Variants in DCTN4 observed in about 807,000 individuals in gnomAD.
DCTN4 encodes dynactin subunit 4.
A neutral mutation model predicts 62.7 loss-of-function variants in DCTN4; 23 were observed. The observed-to-expected ratio is 0.37, with a 90% CI of 0.26 to 0.52. The LOEUF (loss-of-function observed/expected upper bound fraction) is 0.52. DCTN4 is among the 20% of genes least tolerant of loss of function. DCTN4 has a pLI of 0.92. For synonymous variants in DCTN4, 199 were observed against 202.1 expected (o/e 0.98, Z 0.13); for missense variants, 514 against 580.4 (o/e 0.89, Z 1.18).
chr5:150,730,868 A>G lies in DCTN4; in HGVS notation c.725-128T>C, dbSNP rs1368238632. 5.6e-6 allele frequency: 5 copies of G among 888,948 alleles called. No individual in the cohort carries two copies. The East Asian group carries it at 7.5e-5, about 13-fold the overall frequency. The allele number at this position is 888,948 out of a possible 1,614,324, so 55.1% of individuals were successfully genotyped here. On this transcript the variant is annotated intron_variant, in intron 7 of 12. Transcript: ENST00000447998. ...GTTGTTCATAAAAATGAAAATATAG[A>G]AAGTTGACATTTTAGATTTCAAACA...
rs1561699107 is a variant in DCTN4, at chr5:150,733,363, C to A, written c.537+5G>T. The A allele has an allele frequency of 6.2e-7, 1 of 1,607,058 alleles. No individual in the cohort carries two copies. The highest frequency in any genetic ancestry group is 1.3e-5 in the African/African-American group (1 of 74,748). On this transcript the variant is annotated splice_donor_5th_base_variant and intron_variant, in intron 5 of 12. Transcript: ENST00000447998. Reference sequence around the variant, plus strand: ...TTGCAAATCATTTTAGTACCAAATTCTCACCGAAAAAGCCAGAGGCATATA... The same window carrying A: ...TTGCAAATCATTTTAGTACCAAATTATCACCGAAAAAGCCAGAGGCATATA...
At chr5:150,735,735 A>G (rs1760554866) in intron 4 of DCTN4, among the ~76,000 whole-genome samples, 1 of 152,198 alleles carries the variant, frequency 6.6e-6, no homozygotes, top group African/African-American at 2.4e-5. Context: ...TTCTGGTAAT[A>G]TGACAAAGCA....
rs1202834314 is a variant in DCTN4, at chr5:150,755,559, T to C, written c.206+858A>G. The C allele has an allele frequency of 1.1e-5, 5 of 455,982 alleles. No individual in the cohort carries two copies. In the Admixed American group the frequency reaches 1.2e-4, roughly 11 times the overall value. 28.2% of individuals were successfully genotyped at this position (455,982 alleles called of 1,614,324 possible). On this transcript the variant is annotated intron_variant, in intron 2 of 12. Coordinates refer to ENST00000447998, the MANE Select transcript of DCTN4 (RefSeq NM_016221.4). ...TGTGGTTCTCCTCCGCAAAATACAT[T>C]CCCCTAGTCTGATGAGAAAAAAACA...
At chr5:150,745,437 A>G (rs9716120) in intron 3 of DCTN4, among the ~76,000 whole-genome samples, 22,742 of 151,840 alleles carry the variant, frequency 0.15, 3,087 homozygotes, top group African/African-American at 0.36. Flanking sequence ...TGCACCAACC[A>G]GACCTTATAG....
intron 2 of DCTN4, among the ~76,000 whole-genome samples, chr5:150,754,470 G>C (rs146509440): frequency 2.2e-4 from 34 of 152,310 alleles, no homozygotes; most frequent in Admixed American, 2.2e-3. Flanking sequence ...TCTCAGGGCA[G>C]GAAAGACAAA....
intron 6 of DCTN4, 83 bp downstream of exon 6, chr5:150,731,325 CTGTGTGTG>C: frequency 3.7e-6 from 4 of 1,092,262 alleles, no homozygotes; most frequent in Non-Finnish European, 5.4e-6. Context: ...CCATTGACAA[CTGTGTGTG>C]TGTGTGTGTT....
At chr5:150,743,634 G>A (rs1222473346) in intron 3 of DCTN4, among the ~76,000 whole-genome samples, 1 of 152,162 alleles carries the variant, frequency 6.6e-6, no homozygotes, top group Non-Finnish European at 1.5e-5. Flanking sequence ...AGCAGCATTC[G>A]CGATTCACGA....
At chr5:150,739,376 A>T (rs191327992) in intron 4 of DCTN4, among the ~76,000 whole-genome samples, 1 of 152,190 alleles carries the variant, frequency 6.6e-6, no homozygotes, top group African/African-American at 2.4e-5. Flanking sequence ...CTAGCCAAGG[A>T]GGTGAAAGAC....
intron 4 of DCTN4, among the ~76,000 whole-genome samples, chr5:150,737,077 T>C (rs1335892160): frequency 3.3e-5 from 5 of 152,098 alleles, no homozygotes; most frequent in Admixed American, 3.3e-4. Context: ...CAATCCTAAA[T>C]ATATATGCAC....
chr5:150,740,256 G>A (rs141239549), intron 4 of DCTN4, among the ~76,000 whole-genome samples: 17 of 152,048 alleles, frequency 1.1e-4, no homozygotes, highest in Admixed American at 6.5e-4. Flanking sequence ...TAAAAAGTAG[G>A]CAGAGGACAT....
chr5:150,731,596 C>CA (rs201751317), intron 5 of DCTN4, 107 bp from the exon 6 acceptor site: 421 of 822,012 alleles, frequency 5.1e-4, no homozygotes, highest in African/African-American at 8.1e-4. Context: ...GGGAAATAAG[C>CA]AAAAAAAAAG....
chr5:150,727,819 T>C (rs1760211257), intron 8 of DCTN4, among the ~76,000 whole-genome samples: 1 of 149,992 alleles, frequency 6.7e-6, no homozygotes, highest in Non-Finnish European at 1.5e-5. Context: ...ATAAGCTTCC[T>C]GATGATTTTT....
intron 8 of DCTN4, among the ~76,000 whole-genome samples, chr5:150,723,281 T>C (rs1277265168): frequency 1.3e-5 from 2 of 152,224 alleles, no homozygotes; most frequent in Admixed American, 1.3e-4. Context: ...CTGGTTTAAC[T>C]GGATTTAAAT....
At chr5:150,748,240 C>T (rs1171273796) in intron 3 of DCTN4, among the ~76,000 whole-genome samples, 1 of 148,872 alleles carries the variant, frequency 6.7e-6, no homozygotes, top group Non-Finnish European at 1.5e-5. Flanking sequence ...CAATGAGATA[C>T]CATCTCACAC....
intron 9 of DCTN4, among the ~76,000 whole-genome samples, 164 bp from the exon 10 acceptor site, chr5:150,719,934 A>T (rs1483621624): frequency 6.6e-6 from 1 of 151,910 alleles, no homozygotes; most frequent in Non-Finnish European, 1.5e-5. Flanking sequence ...ACTTAAGAAA[A>T]GACATAAGAC....
chr5:150,711,386 T>C, intron 12 of DCTN4, 24 bp from the exon 13 acceptor site: 2 of 1,589,956 alleles, frequency 1.3e-6, no homozygotes, highest in Non-Finnish European at 8.6e-7. Flanking sequence ...AAAAAGCAAG[T>C]ATTAGGTAGA....
Position 150,756,398 on chromosome 5 carries a change from A to T in DCTN4, c.206+19T>A. 1 of 1,545,260 alleles carries T rather than the reference A, an allele frequency of 6.5e-7. No homozygotes were observed. Among genetic ancestry groups the T allele is most frequent in the Non-Finnish European group, 8.7e-7 (1 of 1,148,220 alleles). On this transcript the variant is annotated intron_variant, in intron 2 of 12. Transcript: ENST00000447998. ...GTCAAGGAAAATAGGAAGAAAAAAAAAATCAGTCCAGGTCTTACCTATTCT... is the reference window on the plus strand; with the variant it reads ...GTCAAGGAAAATAGGAAGAAAAAAATAATCAGTCCAGGTCTTACCTATTCT...
chr5:150,752,135 T>C (rs189613138), intron 3 of DCTN4, among the ~76,000 whole-genome samples: 1 of 152,308 alleles, frequency 6.6e-6, no homozygotes, highest in African/African-American at 2.4e-5. Flanking sequence ...CTACTACTTA[T>C]ATAAAGCATA....
chr5:150,709,269 G>A lies in DCTN4; in HGVS notation c.*1880C>T, dbSNP rs1759477957. On this transcript the variant is annotated 3_prime_UTR_variant, in exon 13 of 13. Coordinates refer to ENST00000447998, the MANE Select transcript of DCTN4 (RefSeq NM_016221.4). Reference sequence around the variant, plus strand: ...GTTTTGTGTTTCTGTGTATGGGAATGATGAGACCCATACTTCAACATTATT... The same window carrying A: ...GTTTTGTGTTTCTGTGTATGGGAATAATGAGACCCATACTTCAACATTATT... 3 of 152,446 alleles carry A rather than the reference G, an allele frequency of 2.0e-5. No homozygotes were observed. The highest frequency in any genetic ancestry group is 4.4e-5 in the Non-Finnish European group (3 of 68,030). The allele number at this position is 152,446 out of a possible 1,614,324, so 9.4% of individuals were successfully genotyped here.
Sources: allele counts gnomAD v4.1 joint callset (sites outside exome capture counted in the v4.1 genomes callset), GRCh38; gene constraint gnomAD v4.1.1; transcripts MANE v1.5; gene names NCBI Gene and HGNC (gene_info 2026-07-23, HGNC 2026-07-21).